ABCC5: variants seen among roughly 807,000 people sequenced by gnomAD.
The protein encoded by ABCC5 is ATP-binding cassette sub-family C member 5.
ABCC5 carries 61 observed loss-of-function variants against 160.9 expected under a neutral mutation model. The ratio of observed to expected loss-of-function variants is 0.38; its 90% CI spans 0.31 to 0.47. ABCC5 has a LOEUF of 0.47. Among genes scored for constraint, ABCC5 ranks in the 20% least tolerant of loss-of-function variants. The pLI is 0.99. For synonymous variants in ABCC5, 666 were observed against 700.6 expected, an observed-to-expected ratio of 0.95 and a Z score of 0.78; for missense variants, 1,308 against 1,813.3, an observed-to-expected ratio of 0.72 and a Z score of 5.06.
chr3:183,952,142 C>CACT, intron 18 of ABCC5, 139 bp from the exon 19 acceptor site: 1 of 586,470 alleles, frequency 1.7e-6, no homozygotes, highest in Non-Finnish European at 2.6e-6. Flanking sequence ...CTTTGTCCAC[C>CACT]TCTTTTTTTT....
chr3:183,998,910 T>G (rs559342844), intron 2 of ABCC5, among the ~76,000 whole-genome samples: 2 of 152,046 alleles, frequency 1.3e-5, no homozygotes, highest in South Asian at 4.2e-4. Flanking sequence ...GCCAATATGG[T>G]GCAACCTCAT....
chr3:183,965,362 C>A lies in ABCC5; in HGVS notation c.1958+15G>T, dbSNP rs551360261. On this transcript the variant is annotated intron_variant, in intron 13 of 29. Coordinates refer to ENST00000334444, the MANE Select transcript of ABCC5 (RefSeq NM_005688.4). ...GCCAAGATGGAAAGCATGACAGAAGCCAAACATTCCTTGCCTTTCTTCATC... is the reference window on the plus strand; with the variant it reads ...GCCAAGATGGAAAGCATGACAGAAGACAAACATTCCTTGCCTTTCTTCATC... The A allele has an allele frequency of 1.9e-6, 3 of 1,614,170 alleles. No individual in the cohort carries two copies. In the African/African-American group the frequency reaches 4.0e-5, roughly 22 times the overall value.
chr3:183,963,636 C>A lies in ABCC5; in HGVS notation c.2032-48G>T, dbSNP rs1192471577. On this transcript the variant is annotated intron_variant, in intron 14 of 29. Transcript: ENST00000334444. The surrounding 1 kb of genome is among the most constrained non-coding windows in gnomAD (Gnocchi z 4.6). The stretch of plus-strand genomic sequence containing the variant: ...TGAAGCCTCCAGCGCAAGTCCAGAA[C>A]AGCGTGGAGGGGTCACCCAGTCACT... The A allele has an allele frequency of 1.3e-6, 2 of 1,591,138 alleles. No individual in the cohort carries two copies. Among genetic ancestry groups the A allele is most frequent in the Non-Finnish European group, 1.7e-6 (2 of 1,163,654 alleles).
At position 183,921,384 on chromosome 3, in the gene ABCC5, G is replaced by A. The variant is rs1271217172; in HGVS notation, c.4230C>T (p.Thr1410=). The change falls in exon 30 of 30, where the codon ACC becomes ACT. Residue 1410 remains threonine (T), a synonymous_variant. Coordinates refer to ENST00000334444, the MANE Select transcript of ABCC5 (RefSeq NM_005688.4). The surrounding 1 kb of genome is among the most constrained non-coding windows in gnomAD (Gnocchi z 4.1). ...TGTCGTTGGACAGAAGGACCGATGGGGTGTCAAACTCCACCACCTGCAAAA... is the reference window on the plus strand; with the variant it reads ...TGTCGTTGGACAGAAGGACCGATGGAGTGTCAAACTCCACCACCTGCAAAA... The part of the protein sequence containing the change: ...LAQGQVVEFD[T]PSVLLSNDSS... 6 of 1,612,852 alleles carry A rather than the reference G, an allele frequency of 3.7e-6. No individual in the cohort carries two copies. The highest frequency in any genetic ancestry group is 1.7e-4 in the Middle Eastern group (1 of 6,052).
At chr3:183,981,207 T>A (rs758411102) in intron 8 of ABCC5, among the ~76,000 whole-genome samples, 15 of 152,224 alleles carry the variant, frequency 9.9e-5, no homozygotes, top group Non-Finnish European at 2.1e-4. Flanking sequence ...TGTGTTGAGA[T>A]CTTTCTGAAT....
chr3:183,976,133 G>A (rs1718193544), intron 10 of ABCC5, among the ~76,000 whole-genome samples: 2 of 151,762 alleles, frequency 1.3e-5, no homozygotes, highest in Non-Finnish European at 2.9e-5. Context: ...GGGTGGGGGA[G>A]GGGCACATTC....
At chr3:183,992,767 C>A (rs905801388) in intron 2 of ABCC5, among the ~76,000 whole-genome samples, 1 of 148,986 alleles carries the variant, frequency 6.7e-6, no homozygotes, top group South Asian at 2.1e-4. Flanking sequence ...CCGGCCTGAG[C>A]GAAAGAGCGA....
intron 23 of ABCC5, among the ~76,000 whole-genome samples, chr3:183,947,051 A>C (rs988613383): frequency 6.6e-6 from 1 of 152,254 alleles, no homozygotes; most frequent in Non-Finnish European, 1.5e-5. Context: ...TTTCAAGATC[A>C]TATTTCTTTT....
At chr3:183,970,997 C>T (rs546015659) in intron 11 of ABCC5, among the ~76,000 whole-genome samples, 7 of 152,224 alleles carry the variant, frequency 4.6e-5, no homozygotes, top group African/African-American at 1.7e-4. Flanking sequence ...GTGCTGGTTC[C>T]GAAATACATA....
In ABCC5 at chr3:183,921,221, G is replaced by A. The variant is rs139248707; in HGVS notation, c.*79C>T. The A allele has an allele frequency of 8.0e-4, 584 of 734,436 alleles. 3 individuals are homozygous for A. In the African/African-American group the frequency reaches 9.4e-3, roughly 12 times the overall value. The allele number at this position is 734,436 out of a possible 1,614,324, so 45.5% of individuals were successfully genotyped here. On this transcript the variant is annotated 3_prime_UTR_variant, in exon 30 of 30. Coordinates refer to ENST00000334444, the MANE Select transcript of ABCC5 (RefSeq NM_005688.4). This position sits in a 1 kb window ranked among gnomAD's most constrained non-coding sequence, Gnocchi z 4.1. ...AATCGAGAAAGGCAAGGTTTCGGTA[G>A]GAGGACGCGATGAGGGGCCCGCCCC...
intron 2 of ABCC5, among the ~76,000 whole-genome samples, chr3:184,010,266 C>CA (rs10541470): frequency 0.037 from 2,702 of 73,948 alleles, 111 homozygotes; most frequent in African/African-American, 0.063. Flanking sequence ...GACTTCGTCT[C>CA]AAAAAAAAAA....
At chr3:184,012,456 GT>G (rs1721836508) in intron 2 of ABCC5, among the ~76,000 whole-genome samples, 1 of 152,162 alleles carries the variant, frequency 6.6e-6, no homozygotes, top group Admixed American at 6.5e-5. Context: ...TTACTCCTCA[GT>G]GATCCCATGA....
Position 183,947,362 on chromosome 3 carries a change from G to A in ABCC5, c.3376C>T (p.Pro1126Ser), listed in dbSNP as rs1714938082. The change falls in exon 23 of 30, where the codon CCA becomes TCA. Residue 1126 changes from proline (P) to serine (S), a missense_variant. Coordinates refer to ENST00000334444, the MANE Select transcript of ABCC5 (RefSeq NM_005688.4). Reference protein sequence around the residue: ...MIVLMHGQIPPAYAGLAISYA... With the variant: ...MIVLMHGQIPSAYAGLAISYA... The stretch of plus-strand genomic sequence containing the variant: ...GAGATGGCGAGACCCGCATAGGCTG[G>A]GGGAATCTGCCCGTGCATAAGAACG... The A allele has an allele frequency of 6.2e-7, 1 of 1,613,590 alleles. No homozygotes were observed. Among genetic ancestry groups the A allele is most frequent in the Non-Finnish European group, 8.5e-7 (1 of 1,179,712 alleles).
In ABCC5 at chr3:183,988,639, C is replaced by A. The variant is rs527484062; in HGVS notation, c.376G>T (p.Gly126Trp). ...CACACGTCTTCCATTGAGAGCTCCCCCTTCTTGTGGGCCACACGGGCCAGA... is the reference window on the plus strand; with the variant it reads ...CACACGTCTTCCATTGAGAGCTCCCACTTCTTGTGGGCCACACGGGCCAGA... ...SSLARVAHKK[G>W]ELSMEDVWSL... Residue 126 changes from glycine (G) to tryptophan (W), a missense_variant, in exon 4 of 30, where the codon GGG (glycine) becomes TGG (tryptophan). Physicochemically the swap from Gly to Trp is radical, Grantham distance 184 (BLOSUM62 -2). Around this residue, in one of 3 missense-constraint regions of ABCC5, gnomAD observed 1,142 missense variants for 1,527.1 expected, o/e 0.75. Transcript: ENST00000334444. This position sits in a 1 kb window ranked among gnomAD's most constrained non-coding sequence, Gnocchi z 4.4. 1 of 1,614,246 alleles carries A rather than the reference C, an allele frequency of 6.2e-7. No individual in the cohort carries two copies. The highest frequency in any genetic ancestry group is 1.3e-5 in the African/African-American group (1 of 75,066).
In ABCC5 at chr3:183,965,473, A is replaced by T. The variant is rs1050510756; in HGVS notation, c.1862T>A (p.Ile621Asn). The T allele has an allele frequency of 1.2e-6, 2 of 1,613,634 alleles. No individual in the cohort carries two copies. The highest frequency in any genetic ancestry group is 2.7e-5 in the African/African-American group (2 of 74,924). The change falls in exon 13 of 30, where the codon ATC becomes AAC. Residue 621 changes from isoleucine to asparagine, a missense_variant. This residue lies in a region of ABCC5 where 1,142 missense variants were observed against 1,527.1 expected (regional missense o/e 0.75). Transcript: ENST00000334444. ...GGCCACATAAGCGAAGGTTCCACTG[A>T]TTGCAATGCTGCCCTCTAGAAGCGT... ...QMTLLEGSIA[I>N]SGTFAYVAQQ... is the part of the protein sequence containing the mutation.
At chr3:184,004,571 C>T (rs948842695) in intron 2 of ABCC5, among the ~76,000 whole-genome samples, 12 of 147,932 alleles carry the variant, frequency 8.1e-5, no homozygotes, top group African/African-American at 3.0e-4. Context: ...CAGTGCCTAA[C>T]ACAATGTGTG....
At chr3:183,977,418 AG>A (rs1185590659) in intron 10 of ABCC5, 98 bp downstream of exon 10, 2 of 787,048 alleles carry the variant, frequency 2.5e-6, no homozygotes, top group African/African-American at 3.6e-5. Context: ...GCCAAGCTTA[AG>A]CCCAGTGAGG....
chr3:184,013,963 C>T (rs1051072879), intron 2 of ABCC5, among the ~76,000 whole-genome samples: 10 of 152,202 alleles, frequency 6.6e-5, no homozygotes, highest in Non-Finnish European at 1.5e-4. Context: ...ACCTCCGCCT[C>T]TTGGGTTCAA....
At chr3:183,937,312 G>T (rs1006890994) in intron 26 of ABCC5, among the ~76,000 whole-genome samples, 1 of 152,222 alleles carries the variant, frequency 6.6e-6, no homozygotes, top group African/African-American at 2.4e-5. Flanking sequence ...AGGAGGCGGA[G>T]GTTGCCGTGA....
Sources: gnomAD v4.1 joint callset for allele counts (sites outside exome capture counted in the v4.1 genomes callset) on GRCh38, gnomAD v4.1.1 for gene constraint, gnomAD v4.1.1 regional missense constraint, Gnocchi (gnomAD v3.1) non-coding constraint, MANE v1.5 for transcripts, NCBI Gene and HGNC (gene_info 2026-07-23, HGNC 2026-07-21) for gene names.